FCHO2: variants seen among roughly 807,000 people sequenced by gnomAD.
FCHO2 encodes the protein FCH and mu domain containing endocytic adaptor 2.
Under a neutral mutation model 114.1 loss-of-function variants are expected in FCHO2, and 43 were observed. The observed-to-expected ratio is 0.38, with a 90% CI of 0.30 to 0.49. The LOEUF is 0.49. FCHO2 is among the 20% of genes least tolerant of loss of function. The pLI, the probability that FCHO2 is intolerant of heterozygous loss-of-function variation, is 0.97. For synonymous variants in FCHO2, 293 were observed against 315.2 expected (o/e 0.93, Z 0.75); for missense variants, 807 against 950.4 (o/e 0.85, Z 1.98).
chr5:73,021,874 T>A (rs571987845), intron 8 of FCHO2, among the ~76,000 whole-genome samples: 2 of 152,206 alleles, frequency 1.3e-5, no homozygotes, highest in Non-Finnish European at 2.9e-5. Flanking sequence ...TTATGGTTAA[T>A]GTTTAGTGAG....
At chr5:73,080,576 G>A (rs964367123) in intron 22 of FCHO2, among the ~76,000 whole-genome samples, 1 of 152,158 alleles carries the variant, frequency 6.6e-6, no homozygotes, top group African/African-American at 2.4e-5. Flanking sequence ...GAAGAGTCTG[G>A]AAGGATATAT....
chr5:73,001,448 CAAAAAAAAA>C (rs1215202339), intron 5 of FCHO2, among the ~76,000 whole-genome samples: 5 of 65,530 alleles, frequency 7.6e-5, no homozygotes, highest in East Asian at 4.4e-4. Context: ...GATCCTGTCT[CAAAAAAAAA>C]AAAAAAAAAA....
chr5:72,957,787 C>A (rs561334242), intron 1 of FCHO2, among the ~76,000 whole-genome samples: 1 of 152,320 alleles, frequency 6.6e-6, no homozygotes, highest in African/African-American at 2.4e-5. Flanking sequence ...TAGCATTTTA[C>A]AATCCCACCA....
chr5:72,968,413 G>A, intron 1 of FCHO2, 85 bp from the exon 2 acceptor site: 1 of 876,914 alleles, frequency 1.1e-6, no homozygotes, highest in East Asian at 3.0e-5. Context: ...GCACAGGATT[G>A]CATATTAGTT....
chr5:72,983,403 G>A (rs1753336271), intron 2 of FCHO2, among the ~76,000 whole-genome samples: 1 of 151,172 alleles, frequency 6.6e-6, no homozygotes. Flanking sequence ...TTTTTTTTGA[G>A]ACAGTGTCTT....
At chr5:72,999,097 G>A (rs1047382118) in intron 5 of FCHO2, among the ~76,000 whole-genome samples, 9 of 152,048 alleles carry the variant, frequency 5.9e-5, no homozygotes, top group Non-Finnish European at 1.3e-4. Flanking sequence ...CACAGGGATG[G>A]ACTTCAGTGG....
At chr5:73,036,742 T>C (rs1756532120) in intron 9 of FCHO2, among the ~76,000 whole-genome samples, 1 of 152,206 alleles carries the variant, frequency 6.6e-6, no homozygotes, top group African/African-American at 2.4e-5. Flanking sequence ...TTATATTTTG[T>C]GGCCCTCTAA....
rs1241037738 is a variant in FCHO2, at chr5:73,088,717, TTTAAA to T, written c.*628_*632del. 2.0e-5 allele frequency: 3 copies of T among 152,786 alleles called. No individual in the cohort carries two copies. Among genetic ancestry groups the T allele is most frequent in the African/African-American group, 7.2e-5 (3 of 41,592 alleles). The allele number at this position is 152,786 out of a possible 1,614,324, so 9.5% of individuals were successfully genotyped here. Reference sequence around the variant, plus strand: ...AAAAAAATTCTCAAGTGCAATGTGTTTTAAAATAAGCTTGCAAATGACAGCAGAGA... The same window carrying T: ...AAAAAAATTCTCAAGTGCAATGTGTTATAAGCTTGCAAATGACAGCAGAGA... On this transcript the variant is annotated 3_prime_UTR_variant, in exon 26 of 26. Transcript: ENST00000430046.
Position 73,006,520 on chromosome 5 carries a change from T to A in FCHO2, c.571T>A (p.Phe191Ile). Residue 191 changes from phenylalanine (F) to isoleucine (I), a missense_variant, in exon 6 of 26, where the codon TTC (phenylalanine) becomes ATC (isoleucine). Physicochemically the swap from Phe to Ile is conservative, Grantham distance 21 (BLOSUM62 0). Transcript: ENST00000430046. Reference sequence around the variant, plus strand: ...AAAATATGCATTAGCAAAAGCTGATTTCGAACAGAAAATGACAGAAACAGC... The same window carrying A: ...AAAATATGCATTAGCAAAAGCTGATATCGAACAGAAAATGACAGAAACAGC... Reference protein sequence around the residue: ...VEKYALAKADFEQKMTETAQK... With the variant: ...VEKYALAKADIEQKMTETAQK... 1 of 1,571,006 alleles carries A rather than the reference T, an allele frequency of 6.4e-7. No homozygotes were observed. Among genetic ancestry groups the A allele is most frequent in the Non-Finnish European group, 8.6e-7 (1 of 1,162,124 alleles).
chr5:73,030,038 T>C (rs1354420412), intron 8 of FCHO2, among the ~76,000 whole-genome samples: 3 of 145,016 alleles, frequency 2.1e-5, no homozygotes, highest in Non-Finnish European at 3.0e-5. Context: ...TTTCTTTCTT[T>C]CTTTTTGTTT....
chr5:73,059,391 G>A (rs1757747242), intron 17 of FCHO2, among the ~76,000 whole-genome samples: 1 of 152,040 alleles, frequency 6.6e-6, no homozygotes, highest in African/African-American at 2.4e-5. Context: ...GATGAAAAAA[G>A]TAAAGCTCAG....
chr5:73,074,966 G>T, intron 20 of FCHO2, 113 bp downstream of exon 20: 1 of 790,292 alleles, frequency 1.3e-6, no homozygotes, highest in East Asian at 2.8e-5. Context: ...GTAGATTACA[G>T]TTTTCTGTTG....
intron 1 of FCHO2, among the ~76,000 whole-genome samples, chr5:72,963,446 T>C (rs1265998174): frequency 6.6e-6 from 1 of 152,198 alleles, no homozygotes; most frequent in African/African-American, 2.4e-5. Flanking sequence ...GATTCTACTA[T>C]ATGGTTGTGT....
At chr5:73,002,203 G>T (rs1754483156) in intron 5 of FCHO2, among the ~76,000 whole-genome samples, 1 of 152,146 alleles carries the variant, frequency 6.6e-6, no homozygotes, top group Non-Finnish European at 1.5e-5. Context: ...AAATATGCTG[G>T]TGTAAAAGCC....
In FCHO2 at chr5:73,049,873, T is replaced by G. The variant is rs560427752; in HGVS notation, c.940-1476T>G. Among the ~76,000 whole-genome samples, 63 of 152,336 alleles carry G rather than the reference T, an allele frequency of 4.1e-4. 2 individuals are homozygous for G. The South Asian group carries it at 0.013, about 31-fold the overall frequency. ...CTGTGTGTATACACACATATACATA[T>G]ATATACACATAGATATATACATACA... On this transcript the variant is annotated intron_variant, in intron 11 of 25. Transcript: ENST00000430046.
chr5:72,964,553 TTG>T (rs772161593), intron 1 of FCHO2, among the ~76,000 whole-genome samples: 41 of 152,016 alleles, frequency 2.7e-4, no homozygotes, highest in Non-Finnish European at 5.0e-4. Context: ...CCTGGCAAAT[TTG>T]TAAAATATTT....
intron 18 of FCHO2, among the ~76,000 whole-genome samples, chr5:73,067,095 G>A (rs1443825070): frequency 2.0e-5 from 3 of 151,876 alleles, no homozygotes; most frequent in Admixed American, 6.6e-5. Context: ...AATTTGCTCT[G>A]TATGTTGTAG....
chr5:72,967,333 A>ATGT (rs1752257039), intron 1 of FCHO2, among the ~76,000 whole-genome samples: 1 of 152,178 alleles, frequency 6.6e-6, no homozygotes, highest in South Asian at 2.1e-4. Context: ...ACTAGCACAT[A>ATGT]GCCTCTTCTC....
At chr5:72,968,748 A>G (rs1032235832) in intron 2 of FCHO2, among the ~76,000 whole-genome samples, 159 bp downstream of exon 2, 4 of 152,156 alleles carry the variant, frequency 2.6e-5, no homozygotes, top group Admixed American at 2.0e-4. Context: ...TATCATCTAC[A>G]CAGCTGAGGG....
Sources: gnomAD v4.1 joint callset for allele counts (sites outside exome capture counted in the v4.1 genomes callset) on GRCh38, gnomAD v4.1.1 for gene constraint, MANE v1.5 for transcripts, NCBI Gene and HGNC (gene_info 2026-07-23, HGNC 2026-07-21) for gene names.